The following CACNA2D2 variants were observed in gnomAD, a reference collection of about 807,000 sequenced individuals.
CACNA2D2 encodes voltage-dependent calcium channel subunit alpha-2/delta-2.
Under a neutral mutation model 166.4 loss-of-function variants are expected in CACNA2D2, and 48 were observed. That is an observed-to-expected ratio of 0.29 (90% CI 0.23 to 0.37). The LOEUF (loss-of-function observed/expected upper bound fraction) is 0.37, where lower values mean the gene tolerates loss of function less well. Among genes scored for constraint, CACNA2D2 ranks in the 10% least tolerant of loss-of-function variants. The probability of loss-of-function intolerance (pLI) is 1.00; values close to 1 mark genes in which losing one functional copy is unlikely to be tolerated. For synonymous variants in CACNA2D2, 561 were observed against 573.7 expected, an observed-to-expected ratio of 0.98 and a Z score of 0.32; for missense variants, 1,122 against 1,433.0, an observed-to-expected ratio of 0.78 and a Z score of 3.50.
intron 3 of CACNA2D2, among the ~76,000 whole-genome samples, chr3:50,402,136 G>C (rs929820596): frequency 6.6e-6 from 1 of 152,176 alleles, no homozygotes; most frequent in Non-Finnish European, 1.5e-5. Flanking sequence ...TTGCTTTTTT[G>C]CTTTAAACTG....
chr3:50,406,879 T>C (rs1277246799), intron 3 of CACNA2D2, among the ~76,000 whole-genome samples: 2 of 151,820 alleles, frequency 1.3e-5, no homozygotes, highest in African/African-American at 2.4e-5. Flanking sequence ...TCTGTATCCC[T>C]GAGAAGAGTC....
rs760158295 is a variant in CACNA2D2 at position 50,367,599 on chromosome 3, C to G, written c.2297+43G>C. 1 of 1,608,290 alleles carries G rather than the reference C, an allele frequency of 6.2e-7. No individual in the cohort carries two copies. The highest frequency in any genetic ancestry group is 8.5e-7 in the Non-Finnish European group (1 of 1,175,378). On this transcript the variant is annotated intron_variant, in intron 26 of 37. Coordinates refer to ENST00000424201, the MANE Select transcript of CACNA2D2 (RefSeq NM_006030.4). This position sits in a 1 kb window ranked among gnomAD's most constrained non-coding sequence, Gnocchi z 6.5. ...CCTCTGGGCAGAACAGATGCAGGTTCCCTGGCAGGGGCAGGGTTTGGGTAG... is the reference window on the plus strand; with the variant it reads ...CCTCTGGGCAGAACAGATGCAGGTTGCCTGGCAGGGGCAGGGTTTGGGTAG...
intron 4 of CACNA2D2, among the ~76,000 whole-genome samples, chr3:50,392,021 C>A (rs1346549629): frequency 6.6e-6 from 1 of 152,098 alleles, no homozygotes; most frequent in Non-Finnish European, 1.5e-5. Flanking sequence ...TAAGGGCATT[C>A]CTAGGAAGAG....
chr3:50,480,854 G>A (rs1457844915), intron 1 of CACNA2D2, among the ~76,000 whole-genome samples: 1 of 102,188 alleles, frequency 9.8e-6, no homozygotes, highest in Admixed American at 1.1e-4. Context: ...GGAGGAATGG[G>A]TACGGGAACG....
chr3:50,449,285 G>A (rs1169069677), intron 2 of CACNA2D2, among the ~76,000 whole-genome samples: 1 of 152,232 alleles, frequency 6.6e-6, no homozygotes, highest in Non-Finnish European at 1.5e-5. Flanking sequence ...GAGCCCTGAT[G>A]ATGCTATCAG....
intron 2 of CACNA2D2, among the ~76,000 whole-genome samples, chr3:50,435,124 TAA>T (rs923700679): frequency 6.9e-6 from 1 of 145,238 alleles, no homozygotes; most frequent in African/African-American, 2.7e-5. Flanking sequence ...TGTGGCAGTG[TAA>T]ATCTGAGGGT....
chr3:50,490,147 G>C lies in CACNA2D2; in HGVS notation c.206+13071C>G, dbSNP rs1045450529. Among the ~76,000 whole-genome samples the C allele has an allele frequency of 3.9e-5, 6 of 152,230 alleles. No homozygotes were observed. The South Asian group carries it at 1.0e-3, about 26-fold the overall frequency. On this transcript the variant is annotated intron_variant, in intron 1 of 37. Transcript: ENST00000424201. ...TGCAGAGGAGCGGTTTGGAAGGAGC[G>C]GGGCAGACGGCTGGGAAGCCAGGTG... is the stretch of plus-strand genomic sequence containing the variant.
At chr3:50,484,657 T>C (rs187498411) in intron 1 of CACNA2D2, among the ~76,000 whole-genome samples, 3 of 152,212 alleles carry the variant, frequency 2.0e-5, no homozygotes, top group East Asian at 3.9e-4. Flanking sequence ...CCATTTGAAA[T>C]TGCACCCCCC....
chr3:50,426,220 T>C (rs1378052376), intron 3 of CACNA2D2, among the ~76,000 whole-genome samples: 1 of 152,196 alleles, frequency 6.6e-6, no homozygotes, highest in East Asian at 1.9e-4. Context: ...TGTTTTCTCA[T>C]CTGTAAAACG....
At position 50,494,360 on chromosome 3, in the gene CACNA2D2, A is replaced by G. The variant is rs571682556; in HGVS notation, c.206+8858T>C. Among the ~76,000 whole-genome samples, 29 of 152,218 alleles carry G rather than the reference A, an allele frequency of 1.9e-4. No individual in the cohort carries two copies. In the South Asian group the frequency reaches 5.6e-3, roughly 29 times the overall value. ...CGTTTTAGGCGGGGCCAGCAGGAGG[A>G]GAACACGGGCTGTGGAAGGAAGTGA... On this transcript the variant is annotated intron_variant, in intron 1 of 37. Coordinates refer to ENST00000424201, the MANE Select transcript of CACNA2D2 (RefSeq NM_006030.4).
At position 50,406,483 on chromosome 3, in the gene CACNA2D2, C is replaced by A. The variant is rs138073690; in HGVS notation, c.406-12315G>T. ...CCCCATCACCCACCATCAATATTATCCCTGCACCACCAGAATGCTACTCCA... is the reference window on the plus strand; with the variant it reads ...CCCCATCACCCACCATCAATATTATACCTGCACCACCAGAATGCTACTCCA... On this transcript the variant is annotated intron_variant, in intron 3 of 37. Coordinates refer to ENST00000424201, the MANE Select transcript of CACNA2D2 (RefSeq NM_006030.4). Among the ~76,000 whole-genome samples, 374 of 151,758 alleles carry A rather than the reference C, an allele frequency of 2.5e-3. 2 individuals carry two copies. Among genetic ancestry groups the A allele is most frequent in the African/African-American group, 8.6e-3 (357 of 41,512 alleles).
chr3:50,371,369 T>C (rs587660947), intron 22 of CACNA2D2, among the ~76,000 whole-genome samples: 26 of 152,050 alleles, frequency 1.7e-4, no homozygotes, highest in African/African-American at 4.3e-4. Context: ...TGTGTGTGTG[T>C]GCCTAAGTGT....
intron 3 of CACNA2D2, among the ~76,000 whole-genome samples, chr3:50,411,999 G>A (rs748211180): frequency 2.6e-5 from 4 of 152,104 alleles, no homozygotes; most frequent in Non-Finnish European, 5.9e-5. Flanking sequence ...GGCAAGCCAC[G>A]CTGGGCTTCT....
chr3:50,476,016 G>A, intron 2 of CACNA2D2, 102 bp downstream of exon 2: 1 of 1,018,162 alleles, frequency 9.8e-7, no homozygotes, highest in Non-Finnish European at 1.5e-6. Flanking sequence ...ACCACACCAG[G>A]ACCTCCATTA....
At chr3:50,423,357 G>A (rs7612820) in intron 3 of CACNA2D2, among the ~76,000 whole-genome samples, 13,336 of 152,282 alleles carry the variant, frequency 0.088, 1,769 homozygotes, top group African/African-American at 0.29. Flanking sequence ...GAGGGATCTT[G>A]AATAGAAGGC....
chr3:50,374,914 T>G, intron 21 of CACNA2D2, 101 bp from the exon 22 acceptor site: 1 of 914,574 alleles, frequency 1.1e-6, no homozygotes, highest in Non-Finnish European at 1.7e-6. Flanking sequence ...AGCTGCAGCA[T>G]CCCCTCCTCC....
chr3:50,449,246 A>T (rs1357206331), intron 2 of CACNA2D2, among the ~76,000 whole-genome samples: 1 of 152,166 alleles, frequency 6.6e-6, no homozygotes, highest in African/African-American at 2.4e-5. Context: ...CACCCCTGTG[A>T]TCCAACCCTG....
intron 3 of CACNA2D2, among the ~76,000 whole-genome samples, chr3:50,402,892 C>T (rs1351425344): frequency 9.9e-5 from 15 of 152,200 alleles, no homozygotes; most frequent in African/African-American, 3.6e-4. Context: ...ATCCAGGGGC[C>T]GTCGGCCACT....
At chr3:50,501,712 T>C (rs1241367217) in intron 1 of CACNA2D2, among the ~76,000 whole-genome samples, 6 of 152,178 alleles carry the variant, frequency 3.9e-5, no homozygotes, top group Admixed American at 3.3e-4. Context: ...AAAAAAATAA[T>C]TGTGGCTTGG....
Sources: gnomAD v4.1 joint callset for allele counts (sites outside exome capture counted in the v4.1 genomes callset) on GRCh38, gnomAD v4.1.1 for gene constraint, Gnocchi (gnomAD v3.1) non-coding constraint, MANE v1.5 for transcripts, NCBI Gene and HGNC (gene_info 2026-07-23, HGNC 2026-07-21) for gene names.